The following KIF16B variants were observed in gnomAD, a reference collection of about 807,000 sequenced individuals.
KIF16B encodes the protein kinesin family member 16B.
A neutral mutation model predicts 156.3 loss-of-function variants in KIF16B; 98 were observed. The ratio of observed to expected loss-of-function variants is 0.63; its 90% confidence interval spans 0.53 to 0.74. The LOEUF (loss-of-function observed/expected upper bound fraction) is 0.74. Among genes scored for constraint, KIF16B ranks in the 30% least tolerant of loss-of-function variants. The pLI, the probability that KIF16B is intolerant of heterozygous loss-of-function variation, is 0.00. For synonymous variants in KIF16B, 564 were observed against 583.7 expected (o/e 0.97, Z 0.49); for missense variants, 1,421 against 1,606.5 (o/e 0.88, Z 1.97).
At chr20:16,535,994 T>C (rs2069945053) in intron 1 of KIF16B, among the ~76,000 whole-genome samples, 1 of 152,178 alleles carries the variant, frequency 6.6e-6, no homozygotes, top group Admixed American at 6.5e-5. Flanking sequence ...TGGGTATTTA[T>C]CCAAAGGAAA....
chr20:16,490,604 C>T (rs1233065732), intron 12 of KIF16B, among the ~76,000 whole-genome samples: 2 of 151,924 alleles, frequency 1.3e-5, no homozygotes, highest in African/African-American at 4.8e-5. Flanking sequence ...ACAGGGAGAC[C>T]AAGTTGCAGG....
intron 25 of KIF16B, among the ~76,000 whole-genome samples, chr20:16,311,778 G>T (rs1356266980): frequency 6.6e-6 from 1 of 152,134 alleles, no homozygotes; most frequent in Non-Finnish European, 1.5e-5. Context: ...ATACAAACTA[G>T]ATAAAGCAGT....
intron 12 of KIF16B, among the ~76,000 whole-genome samples, chr20:16,476,950 T>C (rs2067831877): frequency 6.6e-6 from 1 of 151,948 alleles, no homozygotes. Flanking sequence ...GGTTTCACCA[T>C]GTTGGCTAGG....
chr20:16,294,346 TGAG>T (rs1164146881), intron 25 of KIF16B, among the ~76,000 whole-genome samples: 5 of 152,046 alleles, frequency 3.3e-5, no homozygotes, highest in African/African-American at 1.2e-4. Flanking sequence ...GAGGCAGTAT[TGAG>T]GAGTAATGGT....
intron 22 of KIF16B, chr20:16,367,115 A>C (rs758246551): frequency 1.2e-4 from 188 of 1,523,590 alleles, no homozygotes; most frequent in Admixed American, 2.2e-4. Flanking sequence ...GATCTCAAAA[A>C]ACATGTAGTG....
intron 23 of KIF16B, among the ~76,000 whole-genome samples, chr20:16,342,459 G>C (rs2123024079): frequency 6.6e-6 from 1 of 152,244 alleles, no homozygotes; most frequent in Non-Finnish European, 1.5e-5. Flanking sequence ...GTTCAGGCTT[G>C]ACCTCAATTG....
intron 12 of KIF16B, among the ~76,000 whole-genome samples, chr20:16,488,273 C>T (rs2068183589): frequency 6.6e-6 from 1 of 152,254 alleles, no homozygotes; most frequent in Non-Finnish European, 1.5e-5. Context: ...CTCACAGAGG[C>T]AGCTCTCCCT....
intron 25 of KIF16B, among the ~76,000 whole-genome samples, chr20:16,286,200 A>T (rs2063220224): frequency 6.6e-6 from 1 of 152,386 alleles, no homozygotes; most frequent in East Asian, 1.9e-4. Flanking sequence ...AGATTATTAC[A>T]AATAGCACTG....
intron 12 of KIF16B, among the ~76,000 whole-genome samples, chr20:16,452,313 A>G (rs187792443): frequency 6.8e-4 from 104 of 152,294 alleles, no homozygotes; most frequent in African/African-American, 2.4e-3. Context: ...CCAACCTCAC[A>G]GGACCCTCAT....
In KIF16B at chr20:16,327,277, C is replaced by T. The variant is rs184161303; in HGVS notation, c.3711+8649G>A. On this transcript the variant is annotated intron_variant, in intron 24 of 25. Coordinates refer to ENST00000354981, the MANE Select transcript of KIF16B (RefSeq NM_024704.5). ...TGAGGAAACATGATACAATGGACTT[C>T]GGGGACTCAGGGGAAAGGGTGGGAG... is the stretch of plus-strand genomic sequence containing the variant. Among the ~76,000 whole-genome samples, 485 of 150,452 alleles carry T rather than the reference C, an allele frequency of 3.2e-3. 3 individuals are homozygous for T. The highest frequency in any genetic ancestry group is 0.011 in the African/African-American group (456 of 41,096).
chr20:16,429,984 T>C lies in KIF16B; in HGVS notation c.1303-2A>G, dbSNP rs201004400. ...TTTCCTGAGGGCTAGAGTTTGTTCC[T>C]GAAATTAAGAGGAAAAGAAAAAGAA... On this transcript the variant is annotated splice_acceptor_variant, in intron 12 of 25. Transcript: ENST00000354981. LOFTEE classifies it high-confidence loss of function. The C allele has an allele frequency of 7.7e-5, 123 of 1,597,426 alleles. No individual in the cohort carries two copies. In the African/African-American group the frequency reaches 1.5e-3, roughly 19 times the overall value.
chr20:16,302,443 T>C (rs1241009489), intron 25 of KIF16B, among the ~76,000 whole-genome samples: 1 of 152,246 alleles, frequency 6.6e-6, no homozygotes, highest in Non-Finnish European at 1.5e-5. Flanking sequence ...TATATCTATT[T>C]CTGGGCTCTC....
chr20:16,454,497 C>CCGTATATTATA (rs2067164339), intron 12 of KIF16B, among the ~76,000 whole-genome samples: 2 of 151,674 alleles, frequency 1.3e-5, no homozygotes, highest in African/African-American at 4.8e-5. Context: ...ATAAACCTTA[C>CCGTATATTATA]TTTTATTGTT....
chr20:16,470,037 T>C (rs1353841573), intron 12 of KIF16B, among the ~76,000 whole-genome samples: 1 of 151,924 alleles, frequency 6.6e-6, no homozygotes, highest in Non-Finnish European at 1.5e-5. Flanking sequence ...CATGAAAAGA[T>C]ATGGAGGAAT....
At chr20:16,383,855 C>T (rs565882000) in intron 17 of KIF16B, among the ~76,000 whole-genome samples, 1 of 152,310 alleles carries the variant, frequency 6.6e-6, no homozygotes, top group South Asian at 2.1e-4. Flanking sequence ...GTCACGTGTG[C>T]ACAGCCACAA....
chr20:16,485,051 A>G (rs1305135150), intron 12 of KIF16B, among the ~76,000 whole-genome samples: 1 of 152,200 alleles, frequency 6.6e-6, no homozygotes, highest in Non-Finnish European at 1.5e-5. Context: ...TTAGCAAATG[A>G]GATGCAACTG....
intron 25 of KIF16B, among the ~76,000 whole-genome samples, chr20:16,299,105 T>G (rs909673285): frequency 2.6e-5 from 4 of 152,210 alleles, no homozygotes; most frequent in Non-Finnish European, 5.9e-5. Context: ...TATTTGATGA[T>G]AGTATTGTGG....
chr20:16,465,924 C>T (rs1326393864), intron 12 of KIF16B, among the ~76,000 whole-genome samples: 3 of 152,072 alleles, frequency 2.0e-5, no homozygotes, highest in Non-Finnish European at 4.4e-5. Flanking sequence ...TGTCTCAGAC[C>T]CTGCCTGGCA....
chr20:16,541,629 C>A (rs2070201983), intron 1 of KIF16B, among the ~76,000 whole-genome samples: 1 of 152,234 alleles, frequency 6.6e-6, no homozygotes, highest in African/African-American at 2.4e-5. Context: ...AAAGCACCAA[C>A]TCTTACGGTT....
Sources: allele counts gnomAD v4.1 joint callset (sites outside exome capture counted in the v4.1 genomes callset), GRCh38; gene constraint gnomAD v4.1.1; transcripts MANE v1.5; gene names NCBI Gene and HGNC (gene_info 2026-07-23, HGNC 2026-07-21).